MAP2K5: variants seen among roughly 807,000 people sequenced by gnomAD.
The protein encoded by MAP2K5 is dual specificity mitogen-activated protein kinase kinase 5.
MAP2K5 carries 49 observed loss-of-function variants against 83.1 expected under a neutral mutation model. The ratio of observed to expected loss-of-function variants is 0.59; its 90% CI spans 0.47 to 0.75. The LOEUF (loss-of-function observed/expected upper bound fraction) is 0.75, where lower values mean the gene tolerates loss of function less well. Ranked by LOEUF, MAP2K5 falls within the 30% of genes least tolerant of loss-of-function variation. The pLI, the probability that MAP2K5 is intolerant of heterozygous loss-of-function variation, is 0.00. For synonymous variants in MAP2K5, 202 were observed against 191.8 expected (o/e 1.05, Z -0.44); for missense variants, 457 against 557.5 (o/e 0.82, Z 1.82).
Position 67,768,543 on chromosome 15 carries a change from A to G in MAP2K5, c.1135-1059A>G, listed in dbSNP as rs1304201941. On this transcript the variant is annotated intron_variant, in intron 19 of 21. Coordinates refer to ENST00000178640, the MANE Select transcript of MAP2K5 (RefSeq NM_145160.3). This position sits in a 1 kb window ranked among gnomAD's most constrained non-coding sequence, Gnocchi z 4.0. ...AAATGGCCAAAGCACTCCAAAGCAC[A>G]GTGAGATTAAAATAAGTCATTCCTT... Among the ~76,000 whole-genome samples the G allele has an allele frequency of 2.6e-5, 4 of 152,236 alleles. No homozygotes were observed. Among genetic ancestry groups the G allele is most frequent in the East Asian group, 1.9e-4 (1 of 5,208 alleles).
intron 3 of MAP2K5, among the ~76,000 whole-genome samples, chr15:67,567,406 G>A (rs577011538): frequency 9.0e-5 from 13 of 144,434 alleles, no homozygotes; most frequent in East Asian, 4.1e-4. Flanking sequence ...CGCCCAGGCC[G>A]GACTGCGGAC....
chr15:67,721,888 A>G (rs1331813798), intron 16 of MAP2K5, among the ~76,000 whole-genome samples: 1 of 152,234 alleles, frequency 6.6e-6, no homozygotes, highest in African/African-American at 2.4e-5. Context: ...TGTAGATGGA[A>G]GGGTGTACAC....
Position 67,577,629 on chromosome 15 carries a change from C to T in MAP2K5, c.253-3125C>T, listed in dbSNP as rs2085092991. 6.6e-6 allele frequency among the ~76,000 whole-genome samples: 1 copy of T among 151,768 alleles called. No homozygotes were observed. The highest frequency in any genetic ancestry group is 1.5e-5 in the Non-Finnish European group (1 of 67,978). Reference sequence around the variant, plus strand: ...TTTTGGTCATTTCTGCTTATTTTATCACTATTTAGAACAAAATTGGAGAGA... The same window carrying T: ...TTTTGGTCATTTCTGCTTATTTTATTACTATTTAGAACAAAATTGGAGAGA... On this transcript the variant is annotated intron_variant, in intron 3 of 21. Coordinates refer to ENST00000178640, the MANE Select transcript of MAP2K5 (RefSeq NM_145160.3). The surrounding 1 kb of genome is among the most constrained non-coding windows in gnomAD (Gnocchi z 4.1).
chr15:67,792,745 G>C (rs892978369), intron 21 of MAP2K5, among the ~76,000 whole-genome samples: 7 of 152,090 alleles, frequency 4.6e-5, no homozygotes, highest in African/African-American at 1.7e-4. Context: ...TTTCTTTTCC[G>C]CCCCCCGCTT....
intron 3 of MAP2K5, among the ~76,000 whole-genome samples, chr15:67,569,015 A>C (rs2084899194): frequency 6.6e-6 from 1 of 151,466 alleles, no homozygotes; most frequent in African/African-American, 2.4e-5. Context: ...CAAAAAAAAA[A>C]AAAACAAAAA....
intron 19 of MAP2K5, among the ~76,000 whole-genome samples, chr15:67,752,896 TGA>T (rs1491155184): frequency 8.1e-5 from 1 of 12,408 alleles, no homozygotes; most frequent in Non-Finnish European, 3.7e-4. Context: ...AAACAATCAT[TGA>T]AAAAAAAAAA....
chr15:67,565,990 G>T lies in MAP2K5; in HGVS notation c.252+2640G>T, dbSNP rs887663351. ...CCATTTGGACGTAACCTTACAGTAG[G>T]TTTTGATTGGTAGTCCTCATGATTA... On this transcript the variant is annotated intron_variant, in intron 3 of 21. Coordinates refer to ENST00000178640, the MANE Select transcript of MAP2K5 (RefSeq NM_145160.3). The surrounding 1 kb of genome is among the most constrained non-coding windows in gnomAD (Gnocchi z 4.1). Among the ~76,000 whole-genome samples the T allele has an allele frequency of 4.6e-5, 7 of 152,106 alleles. No individual in the cohort carries two copies. Among genetic ancestry groups the T allele is most frequent in the African/African-American group, 1.4e-4 (6 of 41,408 alleles).
At chr15:67,647,417 T>G (rs1270855180) in intron 11 of MAP2K5, among the ~76,000 whole-genome samples, 1 of 152,176 alleles carries the variant, frequency 6.6e-6, no homozygotes, top group African/African-American at 2.4e-5. Flanking sequence ...TTATCATTCT[T>G]TCTTTGAAGT....
chr15:67,710,099 C>T (rs996971483), intron 16 of MAP2K5, among the ~76,000 whole-genome samples: 4 of 152,156 alleles, frequency 2.6e-5, no homozygotes, highest in East Asian at 3.8e-4. Context: ...TGGGTTCAAG[C>T]GATCCTCCCT....
chr15:67,694,625 A>G (rs958934648), intron 15 of MAP2K5, among the ~76,000 whole-genome samples: 2 of 152,272 alleles, frequency 1.3e-5, no homozygotes, highest in East Asian at 3.9e-4. Flanking sequence ...GCTGGAGAGG[A>G]TGTAGAGAAA....
At chr15:67,715,878 C>T (rs1387751254) in intron 16 of MAP2K5, among the ~76,000 whole-genome samples, 1 of 152,192 alleles carries the variant, frequency 6.6e-6, no homozygotes, top group African/African-American at 2.4e-5. Flanking sequence ...ACACTTTCCT[C>T]CTCAACAGTG....
chr15:67,628,329 A>C, intron 8 of MAP2K5: 1 of 505,334 alleles, frequency 2.0e-6, no homozygotes, highest in Non-Finnish European at 3.5e-6. Context: ...AAAATACAAA[A>C]ATTAGCTGGT....
At chr15:67,641,575 G>A in intron 9 of MAP2K5, 1 of 998,062 alleles carries the variant, frequency 1.0e-6, no homozygotes, top group Non-Finnish European at 1.2e-6. Context: ...TTATAATTCA[G>A]TCACTTGACT....
At chr15:67,650,529 T>A (rs1249392499) in intron 11 of MAP2K5, among the ~76,000 whole-genome samples, 2 of 151,136 alleles carry the variant, frequency 1.3e-5, no homozygotes, top group African/African-American at 4.9e-5. Context: ...TTTTTTTTTT[T>A]AATTATGAAA....
At chr15:67,712,645 G>A (rs1023089115) in intron 16 of MAP2K5, among the ~76,000 whole-genome samples, 8 of 152,152 alleles carry the variant, frequency 5.3e-5, no homozygotes, top group African/African-American at 1.9e-4. Flanking sequence ...TCGGCCAGGT[G>A]CAGTGGCTCA....
Position 67,543,368 on chromosome 15 carries a change from C to T in MAP2K5, c.33C>T (p.Ala11=). ...GGCTAGCCCTTGGCCCCTTTCCTGC[C>T]ATGGAGAACCAGGTGCTGGTAATTC... The part of the protein sequence containing the change: MLWLALGPFP[A]MENQVLVIRI... The change falls in exon 1 of 22, where the codon GCC becomes GCT. Residue 11 remains alanine, a synonymous_variant. Coordinates refer to ENST00000178640, the MANE Select transcript of MAP2K5 (RefSeq NM_145160.3). The surrounding 1 kb of genome is among the most constrained non-coding windows in gnomAD (Gnocchi z 4.3). The T allele has an allele frequency of 4.3e-6, 7 of 1,614,212 alleles. No individual in the cohort carries two copies. Among genetic ancestry groups the T allele is most frequent in the Non-Finnish European group, 5.9e-6 (7 of 1,180,042 alleles).
chr15:67,642,116 C>T (rs7169086), intron 9 of MAP2K5, among the ~76,000 whole-genome samples: 37,349 of 152,228 alleles, frequency 0.25, 5,436 homozygotes, highest in East Asian at 0.53. Flanking sequence ...ATTAGCTCCA[C>T]AAATACAGTA....
intron 17 of MAP2K5, among the ~76,000 whole-genome samples, chr15:67,732,901 C>T (rs1371245181): frequency 4.6e-5 from 7 of 152,058 alleles, no homozygotes; most frequent in Admixed American, 4.6e-4. Flanking sequence ...ACCTGAGATT[C>T]GGATGATTAG....
At position 67,785,627 on chromosome 15, in the gene MAP2K5, C is replaced by T. The variant is rs537010106; in HGVS notation, c.1242+12875C>T. Among the ~76,000 whole-genome samples, 1 of 152,286 alleles carries T rather than the reference C, an allele frequency of 6.6e-6. No individual in the cohort carries two copies. The highest frequency in any genetic ancestry group is 1.9e-4 in the East Asian group (1 of 5,184). On this transcript the variant is annotated intron_variant, in intron 21 of 21. Coordinates refer to ENST00000178640, the MANE Select transcript of MAP2K5 (RefSeq NM_145160.3). The surrounding 1 kb of genome is among the most constrained non-coding windows in gnomAD (Gnocchi z 4.4). ...GACAACCCACAGATGTCCACACCAA[C>T]ACAGGTGCTGGAGGTGTGGAGGCAG... is the stretch of plus-strand genomic sequence containing the variant.
Sources: gnomAD v4.1 joint callset for allele counts (sites outside exome capture counted in the v4.1 genomes callset) on GRCh38, gnomAD v4.1.1 for gene constraint, Gnocchi (gnomAD v3.1) non-coding constraint, MANE v1.5 for transcripts, NCBI Gene and HGNC (gene_info 2026-07-23, HGNC 2026-07-21) for gene names.